MRC2: variants seen among roughly 807,000 people sequenced by gnomAD.
The protein encoded by MRC2 is C-type mannose receptor 2.
MRC2 carries 84 observed loss-of-function variants against 206.2 expected under a neutral mutation model. The ratio of observed to expected loss-of-function variants is 0.41; its 90% CI spans 0.34 to 0.49. The LOEUF is 0.49. MRC2 is among the 20% of genes least tolerant of loss of function. MRC2 has a pLI of 0.31. For synonymous variants in MRC2, 798 were observed against 800.0 expected (o/e 1.00, Z 0.04); for missense variants, 1,676 against 2,001.5 (o/e 0.84, Z 3.10).
At chr17:62,629,608 G>C (rs1470216824) in intron 1 of MRC2, among the ~76,000 whole-genome samples, 1 of 152,212 alleles carries the variant, frequency 6.6e-6, no homozygotes, top group Non-Finnish European at 1.5e-5. Context: ...GCTGCTGCAG[G>C]TTCCTTCCCT....
In MRC2 at chr17:62,681,120, G is replaced by T. The variant is rs2088961326; in HGVS notation, c.2693G>T (p.Gly898Val). The change falls in exon 18 of 30, where the codon GGG becomes GTG. Residue 898 changes from glycine to valine, a missense_variant. Transcript: ENST00000303375. ...GGCCTGCACACCTCTGAGAGCGATG[G>T]GCGCTTCAGGTAGGAACCCAGGCAG... ...WIGLHTSESD[G>V]RFRWTDGSII... is the part of the protein sequence containing the mutation. The T allele has an allele frequency of 6.2e-7, 1 of 1,613,622 alleles. No homozygotes were observed. The highest frequency in any genetic ancestry group is 1.3e-5 in the African/African-American group (1 of 75,076).
At chr17:62,682,463 T>A (rs1306234460) in intron 20 of MRC2, 86 bp downstream of exon 20, 2 of 1,453,312 alleles carry the variant, frequency 1.4e-6, no homozygotes, top group South Asian at 2.9e-5. Context: ...CCTGGCCTTT[T>A]GGCAGCACCA....
rs771744710 is a variant in MRC2, at chr17:62,682,307, C to T, written c.2876C>T (p.Thr959Met). The T allele has an allele frequency of 3.1e-6, 5 of 1,606,170 alleles. No individual in the cohort carries two copies. In the Admixed American group the frequency reaches 6.8e-5, roughly 22 times the overall value. Reference protein sequence around the residue: ...ICKRSNVTKETQPPDLPTTAL... With the variant: ...ICKRSNVTKEMQPPDLPTTAL... ...AAGCGCAGCAACGTCACCAAAGAAA[C>T]GCAGCCCCCAGACCTGCCAACTACA... Residue 959 changes from threonine to methionine, a missense_variant, in exon 20 of 30, where the codon ACG (threonine) becomes ATG (methionine). By Grantham distance (81) the Thr-to-Met change is moderately conservative. This residue lies in a region of MRC2 where 1,354 missense variants were observed against 1,636.6 expected (regional missense o/e 0.83). Coordinates refer to ENST00000303375, the MANE Select transcript of MRC2 (RefSeq NM_006039.5).
rs2088939354 is a variant in MRC2, at chr17:62,679,898, T to G, written c.2294T>G (p.Val765Gly). ...GGQSWRWSDG[V>G]GFSYHNFDRS... is the part of the protein sequence containing the mutation. ...CAGAGTTGGCGCTGGAGCGACGGCG[T>G]AGGGGTGAGGGGGCCTGGGGTACTT... is the stretch of plus-strand genomic sequence containing the variant. Residue 765 changes from valine to glycine, a missense_variant, in exon 14 of 30, where the codon GTA (valine) becomes GGA (glycine). Val to Gly is a moderately radical substitution (Grantham distance 109). This residue lies in a region of MRC2 where 1,354 missense variants were observed against 1,636.6 expected (regional missense o/e 0.83). Coordinates refer to ENST00000303375, the MANE Select transcript of MRC2 (RefSeq NM_006039.5). 2 of 1,610,452 alleles carry G rather than the reference T, an allele frequency of 1.2e-6. No homozygotes were observed. Among genetic ancestry groups the G allele is most frequent in the Non-Finnish European group, 1.7e-6 (2 of 1,179,256 alleles).
chr17:62,667,156 C>T lies in MRC2; in HGVS notation c.974-234C>T, dbSNP rs963344332. 5.3e-5 allele frequency among the ~76,000 whole-genome samples: 8 copies of T among 152,140 alleles called. No homozygotes were observed. The South Asian group carries it at 1.0e-3, about 20-fold the overall frequency. On this transcript the variant is annotated intron_variant, in intron 5 of 29. Coordinates refer to ENST00000303375, the MANE Select transcript of MRC2 (RefSeq NM_006039.5). The surrounding 1 kb of genome is among the most constrained non-coding windows in gnomAD (Gnocchi z 4.1). ...CACCCAGCAGCCTGGACGGGGAGGC[C>T]GGGGCGGGGCTGGTACTGGTTACTG...
chr17:62,666,652 T>C lies in MRC2; in HGVS notation c.859+33T>C. On this transcript the variant is annotated intron_variant, in intron 4 of 29. Coordinates refer to ENST00000303375, the MANE Select transcript of MRC2 (RefSeq NM_006039.5). This position sits in a 1 kb window ranked among gnomAD's most constrained non-coding sequence, Gnocchi z 5.0. ...GGGGCCTGATGCCTGCTCGTGCCTCTGGAGGGCCCGGGCCCTTTCCGCTTG... is the reference window on the plus strand; with the variant it reads ...GGGGCCTGATGCCTGCTCGTGCCTCCGGAGGGCCCGGGCCCTTTCCGCTTG... 1 of 1,464,548 alleles carries C rather than the reference T, an allele frequency of 6.8e-7. No homozygotes were observed. The highest frequency in any genetic ancestry group is 9.1e-7 in the Non-Finnish European group (1 of 1,096,712). 90.7% of individuals were successfully genotyped at this position (1,464,548 alleles called of 1,614,324 possible). A position where few individuals can be genotyped will look rare whatever the true frequency, so the allele number is the denominator to read the frequency against.
chr17:62,655,734 A>AAAG (rs1218329493), intron 1 of MRC2, among the ~76,000 whole-genome samples: 2 of 151,804 alleles, frequency 1.3e-5, no homozygotes, highest in African/African-American at 4.8e-5. Flanking sequence ...AAAAAAAAAA[A>AAAG]AAAAGAAAAA....
intron 1 of MRC2, among the ~76,000 whole-genome samples, chr17:62,660,455 A>G (rs1024150330): frequency 1.3e-5 from 2 of 152,232 alleles, no homozygotes; most frequent in African/African-American, 4.8e-5. Context: ...TAGAGGTTTC[A>G]GTTGCTATCT....
chr17:62,653,321 G>C (rs2088579846), intron 1 of MRC2, among the ~76,000 whole-genome samples: 1 of 152,098 alleles, frequency 6.6e-6, no homozygotes, highest in African/African-American at 2.4e-5. Flanking sequence ...CCTTCCCAGA[G>C]AACCCCAGGG....
intron 1 of MRC2, among the ~76,000 whole-genome samples, chr17:62,638,737 CAAAAAAAAAAA>C (rs59450498): frequency 1.2e-5 from 1 of 85,212 alleles, no homozygotes; most frequent in African/African-American, 4.9e-5. Context: ...AACCCTGTCT[CAAAAAAAAAAA>C]AAAAAAAAAG....
chr17:62,631,233 G>A (rs2084213397), intron 1 of MRC2, among the ~76,000 whole-genome samples: 1 of 152,136 alleles, frequency 6.6e-6, no homozygotes, highest in Middle Eastern at 3.2e-3. Flanking sequence ...TACCCCCAGA[G>A]GGATGGAGCG....
intron 20 of MRC2, among the ~76,000 whole-genome samples, chr17:62,685,239 G>A (rs1385570441): frequency 6.6e-6 from 1 of 151,696 alleles, no homozygotes. Context: ...GGAAAATACA[G>A]AAGAGAAACC....
intron 1 of MRC2, among the ~76,000 whole-genome samples, chr17:62,645,480 ATG>A (rs150162692): frequency 0.051 from 3,857 of 75,236 alleles, 378 homozygotes; most frequent in African/African-American, 0.17. Flanking sequence ...TACACATAAT[ATG>A]TGTGTGTGTA....
chr17:62,657,642 G>A (rs906052912), intron 1 of MRC2, among the ~76,000 whole-genome samples: 1 of 150,804 alleles, frequency 6.6e-6, no homozygotes, highest in African/African-American at 2.4e-5. Context: ...GCTGGGGGGT[G>A]GGTGAGGCTG....
At chr17:62,629,312 G>T (rs1314533210) in intron 1 of MRC2, among the ~76,000 whole-genome samples, 1 of 152,228 alleles carries the variant, frequency 6.6e-6, no homozygotes, top group Non-Finnish European at 1.5e-5. Flanking sequence ...CCCTGGGAGA[G>T]AGTTGTGGCC....
At chr17:62,631,840 GTTCA>G (rs886364598) in intron 1 of MRC2, among the ~76,000 whole-genome samples, 7 of 152,284 alleles carry the variant, frequency 4.6e-5, no homozygotes, top group African/African-American at 1.2e-4. Flanking sequence ...TCACATGGTT[GTTCA>G]TTCATTCATT....
chr17:62,631,085 TG>T (rs2084212170), intron 1 of MRC2, among the ~76,000 whole-genome samples: 1 of 152,174 alleles, frequency 6.6e-6, no homozygotes, highest in Non-Finnish European at 1.5e-5. Flanking sequence ...AGAGAAATCC[TG>T]GCTTTCTGAT....
intron 2 of MRC2, among the ~76,000 whole-genome samples, chr17:62,665,275 C>T (rs947067075): frequency 3.6e-4 from 55 of 151,626 alleles, no homozygotes; most frequent in Admixed American, 3.6e-3. Context: ...TGGAGCATGC[C>T]CATCATAGTC....
At chr17:62,636,628 C>T (rs1449171223) in intron 1 of MRC2, among the ~76,000 whole-genome samples, 1 of 151,962 alleles carries the variant, frequency 6.6e-6, no homozygotes, top group South Asian at 2.1e-4. Context: ...ACCACCACGC[C>T]TGGCTAATTT....
Sources: allele counts gnomAD v4.1 joint callset (sites outside exome capture counted in the v4.1 genomes callset), GRCh38; gene constraint gnomAD v4.1.1; regional missense constraint gnomAD v4.1.1; non-coding constraint Gnocchi (gnomAD v3.1); transcripts MANE v1.5; gene names NCBI Gene and HGNC (gene_info 2026-07-23, HGNC 2026-07-21).